The following ZNF549 variants were observed in gnomAD, a reference collection of about 807,000 sequenced individuals.
ZNF549 encodes zinc finger protein 549.
ZNF549 carries 11 observed loss-of-function variants against 11.1 expected under a neutral mutation model. The observed-to-expected ratio is 0.99, with a 90% CI of 0.62 to 1.64. ZNF549 has a LOEUF of 1.64. Among genes scored for constraint, ZNF549 ranks in the 40% most tolerant of loss-of-function variants. The pLI, the probability that ZNF549 is intolerant of heterozygous loss-of-function variation, is 0.00. For missense variants in ZNF549, 748 were observed against 765.1 expected (o/e 0.98, Z 0.26); for synonymous variants, 266 against 269.1 (o/e 0.99, Z 0.11).
intron 1 of ZNF549, among the ~76,000 whole-genome samples, chr19:57,529,867 C>T (rs1001259718): frequency 1.3e-5 from 2 of 152,082 alleles, no homozygotes; most frequent in Admixed American, 1.3e-4. Flanking sequence ...GCCTGGGCGA[C>T]AGAGCGAGGC....
At position 57,531,059 on chromosome 19, in the gene ZNF549, T is replaced by G; in HGVS notation, c.34-11T>G. ...GAACACCTGTATTTCATAGCCTCCC[T>G]CTTCCTACAGATTCCCATGGTAACA... On this transcript the variant is annotated splice_polypyrimidine_tract_variant and intron_variant, in intron 1 of 3. Coordinates refer to ENST00000376233, the MANE Select transcript of ZNF549 (RefSeq NM_001199295.2). 2 of 1,598,322 alleles carry G rather than the reference T, an allele frequency of 1.3e-6. No homozygotes were observed. Among genetic ancestry groups the G allele is most frequent in the Non-Finnish European group, 8.5e-7 (1 of 1,179,768 alleles).
chr19:57,529,769 C>T (rs1370444507), intron 1 of ZNF549, among the ~76,000 whole-genome samples: 1 of 152,072 alleles, frequency 6.6e-6, no homozygotes, highest in Non-Finnish European at 1.5e-5. Context: ...GCCCGTAGTC[C>T]CAGCTACTCC....
Position 57,527,531 on chromosome 19 carries a change from C to T in ZNF549, c.-43C>T, listed in dbSNP as rs2089882872. On this transcript the variant is annotated 5_prime_UTR_variant, in exon 1 of 4. Coordinates refer to ENST00000376233, the MANE Select transcript of ZNF549 (RefSeq NM_001199295.2). ...CACCGCACGCACGCCGGATCCCGGG[C>T]TTTACCGCCCGCCTTTCCAGGCCCC... 1.2e-6 allele frequency: 2 copies of T among 1,612,252 alleles called. No homozygotes were observed. Among genetic ancestry groups the T allele is most frequent in the Non-Finnish European group, 1.7e-6 (2 of 1,179,576 alleles).
rs2089933096 is a variant in ZNF549 at position 57,537,804 on chromosome 19, G to T, written c.800G>T (p.Arg267Ile). 1 of 1,614,194 alleles carries T rather than the reference G, an allele frequency of 6.2e-7. No homozygotes were observed. The highest frequency in any genetic ancestry group is 2.2e-5 in the East Asian group (1 of 44,886). Reference sequence around the variant, plus strand: ...AAATACTTATTTGTTGAACACCAGAGAACCCATAATGCAGAAAAGCCTTAT... The same window carrying T: ...AAATACTTATTTGTTGAACACCAGATAACCCATAATGCAGAAAAGCCTTAT... ...NSKYLFVEHQ[R>I]THNAEKPYVC... is the part of the protein sequence containing the mutation. The change falls in exon 4 of 4, where the codon AGA (arginine) becomes ATA (isoleucine). Residue 267 changes from arginine to isoleucine, a missense_variant. Arg to Ile is a moderately conservative substitution (Grantham distance 97). Transcript: ENST00000376233.
rs2089938314 is a variant in ZNF549, at chr19:57,538,446, C to G, written c.1442C>G (p.Ala481Gly). 3 of 1,614,120 alleles carry G rather than the reference C, an allele frequency of 1.9e-6. No individual in the cohort carries two copies. Among genetic ancestry groups the G allele is most frequent in the Middle Eastern group, 1.6e-4 (1 of 6,062 alleles). ...TATGAATGCAGTGACTGTGGGAAAGCCTTCATCTCCAAACAAACACTTCTT... is the reference window on the plus strand; with the variant it reads ...TATGAATGCAGTGACTGTGGGAAAGGCTTCATCTCCAAACAAACACTTCTT... ...RAYECSDCGK[A>G]FISKQTLLKH... The change falls in exon 4 of 4, where the codon GCC becomes GGC. Residue 481 changes from alanine to glycine, a missense_variant. Ala to Gly is a moderately conservative substitution (Grantham distance 60). Coordinates refer to ENST00000376233, the MANE Select transcript of ZNF549 (RefSeq NM_001199295.2).
rs141086470 is a variant in ZNF549, at chr19:57,537,583, C to T, written c.579C>T (p.Thr193=). The T allele has an allele frequency of 4.2e-4, 678 of 1,614,174 alleles. 8 individuals are homozygous for T. In the East Asian group the frequency reaches 0.013, roughly 31 times the overall value. The part of the protein sequence containing the change: ...PCKDVEKDFP[T]ILGLLQHQTT... Reference sequence around the variant, plus strand: ...AAGATGTTGAGAAGGATTTTCCAACCATCCTGGGCCTTCTCCAACACCAGA... The same window carrying T: ...AAGATGTTGAGAAGGATTTTCCAACTATCCTGGGCCTTCTCCAACACCAGA... The change falls in exon 4 of 4, where the codon ACC becomes ACT. Residue 193 remains threonine (T), a synonymous_variant. Coordinates refer to ENST00000376233, the MANE Select transcript of ZNF549 (RefSeq NM_001199295.2).
rs775035409 is a variant in ZNF549 at position 57,538,406 on chromosome 19, A to C, written c.1402A>C (p.Thr468Pro). ...SDYMRHQRIH[T>P]GERAYECSDC... ...CTACATGCGACACCAGAGAATTCACACTGGAGAAAGGGCTTATGAATGCAG... is the reference window on the plus strand; with the variant it reads ...CTACATGCGACACCAGAGAATTCACCCTGGAGAAAGGGCTTATGAATGCAG... Residue 468 changes from threonine to proline, a missense_variant, in exon 4 of 4, where the codon ACT becomes CCT. Coordinates refer to ENST00000376233, the MANE Select transcript of ZNF549 (RefSeq NM_001199295.2). 6.2e-7 allele frequency: 1 copy of C among 1,614,082 alleles called. No homozygotes were observed. Among genetic ancestry groups the C allele is most frequent in the Non-Finnish European group, 8.5e-7 (1 of 1,180,034 alleles).
Position 57,539,015 on chromosome 19 carries a change from TCATAC to T in ZNF549, c.*89_*93del. The T allele has an allele frequency of 7.1e-7, 1 of 1,399,648 alleles. No individual in the cohort carries two copies. Among genetic ancestry groups the T allele is most frequent in the Non-Finnish European group, 9.6e-7 (1 of 1,039,714 alleles). The allele number at this position is 1,399,648 out of a possible 1,614,324, so 86.7% of individuals were successfully genotyped here. A position where few individuals can be genotyped will look rare whatever the true frequency, so the allele number is the denominator to read the frequency against. ...GGATCCAACAGACAGAAATTCACCC[TCATAC>T]ATCTGCATATCACTAGTTGAAAGAT... On this transcript the variant is annotated 3_prime_UTR_variant, in exon 4 of 4. Transcript: ENST00000376233.
Position 57,538,624 on chromosome 19 carries a change from C to T in ZNF549, c.1620C>T (p.His540=). The change falls in exon 4 of 4, where the codon CAC becomes CAT. Residue 540 remains histidine, a synonymous_variant. Transcript: ENST00000376233. The part of the protein sequence containing the change: ...ECNECGKVFS[H]QKRLLEHQKV... ...ATGAATGTGGAAAAGTCTTCAGCCA[C>T]CAAAAAAGACTTCTTGAGCACCAGA... The T allele has an allele frequency of 6.2e-7, 1 of 1,614,086 alleles. No individual in the cohort carries two copies. The highest frequency in any genetic ancestry group is 8.5e-7 in the Non-Finnish European group (1 of 1,180,012).
chr19:57,538,435 C>G lies in ZNF549; in HGVS notation c.1431C>G (p.Asp477Glu), dbSNP rs547090385. ...GAGAAAGGGCTTATGAATGCAGTGA[C>G]TGTGGGAAAGCCTTCATCTCCAAAC... ...HTGERAYECS[D>E]CGKAFISKQT... The change falls in exon 4 of 4, where the codon GAC becomes GAG. Residue 477 changes from aspartate (D) to glutamate (E), a missense_variant. By Grantham distance (45) the Asp-to-Glu change is conservative. Coordinates refer to ENST00000376233, the MANE Select transcript of ZNF549 (RefSeq NM_001199295.2). 4.3e-6 allele frequency: 7 copies of G among 1,613,888 alleles called. No individual in the cohort carries two copies. In the South Asian group the frequency reaches 7.7e-5, roughly 18 times the overall value.
chr19:57,529,337 T>TTA (rs1300991327), intron 1 of ZNF549, among the ~76,000 whole-genome samples: 1 of 152,196 alleles, frequency 6.6e-6, no homozygotes, highest in Non-Finnish European at 1.5e-5. Flanking sequence ...CTAGACTACA[T>TTA]ACCTGTAATA....
intron 1 of ZNF549, among the ~76,000 whole-genome samples, chr19:57,528,008 T>C (rs558088038): frequency 6.6e-6 from 1 of 152,032 alleles, no homozygotes; most frequent in African/African-American, 2.4e-5. Context: ...TCAAAGGCAA[T>C]GAGTGGAGAA....
At chr19:57,533,285 G>A (rs916226567) in intron 2 of ZNF549, among the ~76,000 whole-genome samples, 1 of 152,146 alleles carries the variant, frequency 6.6e-6, no homozygotes, top group African/African-American at 2.4e-5. Context: ...AAATTCACAT[G>A]TGTTTCTAAA....
intron 1 of ZNF549, among the ~76,000 whole-genome samples, chr19:57,529,842 C>T (rs895626912): frequency 2.6e-5 from 4 of 151,970 alleles, no homozygotes; most frequent in Admixed American, 6.6e-5. Context: ...GCCGAGATTG[C>T]ACCACTACAC....
At chr19:57,532,423 G>T (rs2089907968) in intron 2 of ZNF549, among the ~76,000 whole-genome samples, 1 of 152,144 alleles carries the variant, frequency 6.6e-6, no homozygotes, top group Non-Finnish European at 1.5e-5. Context: ...AACCAAGCAG[G>T]CAGGGAGCCA....
intron 2 of ZNF549, among the ~76,000 whole-genome samples, chr19:57,534,066 T>A (rs756011960): frequency 2.5e-4 from 38 of 152,160 alleles, no homozygotes; most frequent in Admixed American, 1.4e-3. Context: ...GTGGCTGGCC[T>A]GTGGACCATG....
At position 57,537,455 on chromosome 19, in the gene ZNF549, C is replaced by G; in HGVS notation, c.451C>G (p.Gln151Glu). ...FSFGSNLQQH[Q>E]NQDSGEKHIR... ...ATTTGGTTCTAACCTGCAACAGCAC[C>G]AGAACCAGGACAGTGGAGAGAAACA... is the stretch of plus-strand genomic sequence containing the variant. The change falls in exon 4 of 4, where the codon CAG (glutamine) becomes GAG (glutamate). Residue 151 changes from glutamine (Q) to glutamate (E), a missense_variant. Transcript: ENST00000376233. 6.2e-7 allele frequency: 1 copy of G among 1,614,182 alleles called. No homozygotes were observed. The highest frequency in any genetic ancestry group is 8.5e-7 in the Non-Finnish European group (1 of 1,180,046).
rs180751426 is a variant in ZNF549, at chr19:57,531,034, G to A, written c.34-36G>A. The A allele has an allele frequency of 2.1e-4, 342 of 1,596,220 alleles. 1 individual carries two copies. The highest frequency in any genetic ancestry group is 4.2e-4 in the Admixed American group (25 of 59,966). On this transcript the variant is annotated intron_variant, in intron 1 of 3. Transcript: ENST00000376233. ...ACTTACCCTTTGTAAATGCCACCTT[G>A]AACACCTGTATTTCATAGCCTCCCT... is the stretch of plus-strand genomic sequence containing the variant.
In ZNF549 at chr19:57,538,445, G is replaced by T. The variant is rs148422432; in HGVS notation, c.1441G>T (p.Ala481Ser). 3.1e-6 allele frequency: 5 copies of T among 1,614,006 alleles called. No individual in the cohort carries two copies. The African/African-American group carries it at 6.7e-5, about 22-fold the overall frequency. The change falls in exon 4 of 4, where the codon GCC (alanine) becomes TCC (serine). Residue 481 changes from alanine (A) to serine (S), a missense_variant. Physicochemically the swap from Ala to Ser is moderately conservative, Grantham distance 99 (BLOSUM62 1). Transcript: ENST00000376233. ...TTATGAATGCAGTGACTGTGGGAAA[G>T]CCTTCATCTCCAAACAAACACTTCT... ...RAYECSDCGK[A>S]FISKQTLLKH...
Sources: allele counts gnomAD v4.1 joint callset (sites outside exome capture counted in the v4.1 genomes callset), GRCh38; gene constraint gnomAD v4.1.1; transcripts MANE v1.5; gene names NCBI Gene and HGNC (gene_info 2026-07-23, HGNC 2026-07-21).